ATXN10: variants seen among roughly 807,000 people sequenced by gnomAD.
ATXN10 encodes the protein ataxin 10, also known as ataxin-10.
Under a neutral mutation model 52.9 loss-of-function variants are expected in ATXN10, and 28 were observed. That is an observed-to-expected ratio of 0.53 (90% confidence interval 0.39 to 0.73). The LOEUF (loss-of-function observed/expected upper bound fraction) is 0.73, where lower values mean the gene tolerates loss of function less well. ATXN10 is among the 30% of genes least tolerant of loss of function. The pLI is 0.00. For missense variants in ATXN10, 565 were observed against 577.0 expected, an observed-to-expected ratio of 0.98 and a Z score of 0.21; for synonymous variants, 226 against 221.5, an observed-to-expected ratio of 1.02 and a Z score of -0.18.
chr22:45,773,378 G>A (rs1926840433), intron 9 of ATXN10, among the ~76,000 whole-genome samples: 1 of 151,860 alleles, frequency 6.6e-6, no homozygotes, highest in Non-Finnish European at 1.5e-5. Flanking sequence ...ATGCTGTGAT[G>A]TCCCTGCCTG....
At position 45,757,511 on chromosome 22, in the gene ATXN10, C is replaced by T. The variant is rs1484223757; in HGVS notation, c.1173+16973C>T. The stretch of plus-strand genomic sequence containing the variant: ...GTTCCAAAGGGAGGTGTGGATGTTT[C>T]ATTCAGTACTTTGGAGGGAGAAAGA... On this transcript the variant is annotated intron_variant, in intron 9 of 11. Transcript: ENST00000252934. This position sits in a 1 kb window ranked among gnomAD's most constrained non-coding sequence, Gnocchi z 4.6. Among the ~76,000 whole-genome samples, 1 of 151,950 alleles carries T rather than the reference C, an allele frequency of 6.6e-6. No individual in the cohort carries two copies. The highest frequency in any genetic ancestry group is 2.4e-5 in the African/African-American group (1 of 41,382).
rs1387745057 is a variant in ATXN10 at position 45,805,618 on chromosome 22, A to T, written c.1174-1341A>T. Among the ~76,000 whole-genome samples the T allele has an allele frequency of 2.0e-5, 3 of 152,052 alleles. No homozygotes were observed. The highest frequency in any genetic ancestry group is 7.2e-5 in the African/African-American group (3 of 41,394). Reference sequence around the variant, plus strand: ...GGCTACATGTCGTTCAGATTTTCTGACTCCGTTATAGGAAATGTCCAGAAT... The same window carrying T: ...GGCTACATGTCGTTCAGATTTTCTGTCTCCGTTATAGGAAATGTCCAGAAT... On this transcript the variant is annotated intron_variant, in intron 9 of 11. Transcript: ENST00000252934. The surrounding 1 kb of genome is among the most constrained non-coding windows in gnomAD (Gnocchi z 4.4).
intron 1 of ATXN10, chr22:45,673,336 TAGGTGATCACTAG>T (rs1273419795): frequency 6.6e-6 from 1 of 152,290 alleles, no homozygotes; most frequent in African/African-American, 2.4e-5. Flanking sequence ...TGGGTCAGCC[TAGGTGATCACTAG>T]AGGACTTCCT....
chr22:45,796,724 C>G (rs947727546), intron 9 of ATXN10, among the ~76,000 whole-genome samples: 2 of 152,226 alleles, frequency 1.3e-5, no homozygotes, highest in Admixed American at 6.5e-5. Flanking sequence ...TCTCGAACTC[C>G]TGACCTCAAA....
chr22:45,796,265 A>G (rs1183174337), intron 9 of ATXN10, among the ~76,000 whole-genome samples: 1 of 152,200 alleles, frequency 6.6e-6, no homozygotes, highest in Non-Finnish European at 1.5e-5. Context: ...CAGCCTGGCG[A>G]ATTCTAGTCA....
At position 45,762,535 on chromosome 22, in the gene ATXN10, A is replaced by C. The variant is rs1601630777; in HGVS notation, c.1173+21997A>C. Among the ~76,000 whole-genome samples the C allele has an allele frequency of 6.6e-6, 1 of 152,226 alleles. No individual in the cohort carries two copies. Among genetic ancestry groups the C allele is most frequent in the South Asian group, 2.1e-4 (1 of 4,818 alleles). On this transcript the variant is annotated intron_variant, in intron 9 of 11. Coordinates refer to ENST00000252934, the MANE Select transcript of ATXN10 (RefSeq NM_013236.4). This position sits in a 1 kb window ranked among gnomAD's most constrained non-coding sequence, Gnocchi z 4.3. ...GTGTCTTCCTGGGAGGCTCCCAGGC[A>C]TGCTCCTGTCTGGCCAGGGTGCTTC...
chr22:45,737,514 G>A (rs1244913650), intron 7 of ATXN10, among the ~76,000 whole-genome samples: 1 of 152,052 alleles, frequency 6.6e-6, no homozygotes, highest in Admixed American at 6.6e-5. Flanking sequence ...AGAAGGCTAT[G>A]ATATAAAATT....
intron 9 of ATXN10, among the ~76,000 whole-genome samples, chr22:45,760,890 G>A (rs1180051074): frequency 6.6e-6 from 1 of 152,134 alleles, no homozygotes; most frequent in Non-Finnish European, 1.5e-5. Context: ...GTGCGGAGTG[G>A]ATTCCTGAGC....
At chr22:45,742,124 C>G (rs139933832) in intron 9 of ATXN10, among the ~76,000 whole-genome samples, 2 of 151,878 alleles carry the variant, frequency 1.3e-5, no homozygotes, top group African/African-American at 4.8e-5. Flanking sequence ...GATTTGAGCT[C>G]CCACCCTAGA....
At chr22:45,711,244 C>T (rs1452368068) in intron 5 of ATXN10, among the ~76,000 whole-genome samples, 1 of 150,638 alleles carries the variant, frequency 6.6e-6, no homozygotes, top group Non-Finnish European at 1.5e-5. Context: ...GTAATTATAG[C>T]AGAGTGAAAA....
chr22:45,842,708 T>G lies in ATXN10; in HGVS notation c.1238-283T>G, dbSNP rs980658025. Reference sequence around the variant, plus strand: ...AGTTTGAGCTACTCTAAGTCTTTGCTTCCTTGTTCATTCATTCAACAAATA... The same window carrying G: ...AGTTTGAGCTACTCTAAGTCTTTGCGTCCTTGTTCATTCATTCAACAAATA... On this transcript the variant is annotated intron_variant, in intron 10 of 11. Transcript: ENST00000252934. This position sits in a 1 kb window ranked among gnomAD's most constrained non-coding sequence, Gnocchi z 4.8. Among the ~76,000 whole-genome samples, 22 of 152,198 alleles carry G rather than the reference T, an allele frequency of 1.4e-4. No individual in the cohort carries two copies. Among genetic ancestry groups the G allele is most frequent in the Non-Finnish European group, 2.9e-4 (20 of 68,028 alleles).
chr22:45,834,783 G>A (rs774431216), intron 10 of ATXN10, among the ~76,000 whole-genome samples: 4 of 152,184 alleles, frequency 2.6e-5, no homozygotes, highest in South Asian at 2.1e-4. Context: ...CTCGTGCACC[G>A]TGGCCTGAAT....
At position 45,690,540 on chromosome 22, in the gene ATXN10, GTT is replaced by G; in HGVS notation, c.308+639_308+640del. Among the ~76,000 whole-genome samples the G allele has an allele frequency of 1.3e-5, 2 of 152,262 alleles. No homozygotes were observed. The highest frequency in any genetic ancestry group is 1.3e-4 in the Admixed American group (2 of 15,286). On this transcript the variant is annotated intron_variant, in intron 2 of 11. Transcript: ENST00000252934. This position sits in a 1 kb window ranked among gnomAD's most constrained non-coding sequence, Gnocchi z 4.5. The stretch of plus-strand genomic sequence containing the variant: ...TTGTTCCTAGATTTTACCTGCCTAA[GTT>G]TATATGCAGTTCTTGACCTCAGGTT...
rs897048671 is a variant in ATXN10 at position 45,762,330 on chromosome 22, G to C, written c.1173+21792G>C. On this transcript the variant is annotated intron_variant, in intron 9 of 11. Coordinates refer to ENST00000252934, the MANE Select transcript of ATXN10 (RefSeq NM_013236.4). The surrounding 1 kb of genome is among the most constrained non-coding windows in gnomAD (Gnocchi z 4.3). The stretch of plus-strand genomic sequence containing the variant: ...TTGACAGAGGGCCTGACCCAGGGTA[G>C]GCACTCCCGCTTCATGACTACATCT... 5.9e-5 allele frequency among the ~76,000 whole-genome samples: 9 copies of C among 152,162 alleles called. No homozygotes were observed. The highest frequency in any genetic ancestry group is 2.2e-4 in the African/African-American group (9 of 41,442).
In ATXN10 at chr22:45,712,209, C is replaced by T. The variant is rs887638707; in HGVS notation, c.648-6204C>T. 4.6e-5 allele frequency among the ~76,000 whole-genome samples: 7 copies of T among 152,000 alleles called. No individual in the cohort carries two copies. Among genetic ancestry groups the T allele is most frequent in the East Asian group, 1.9e-4 (1 of 5,184 alleles). The stretch of plus-strand genomic sequence containing the variant: ...GCACAGGCTGTCAGGTTTGGGCCCA[C>T]TCTTGAAGGAAAAAGCTACCAGGTT... On this transcript the variant is annotated intron_variant, in intron 5 of 11. Transcript: ENST00000252934. This position sits in a 1 kb window ranked among gnomAD's most constrained non-coding sequence, Gnocchi z 4.6.
chr22:45,785,095 G>GA (rs1308832772), intron 9 of ATXN10, among the ~76,000 whole-genome samples: 2 of 152,200 alleles, frequency 1.3e-5, no homozygotes, highest in East Asian at 3.8e-4. Context: ...CAGATGTGCC[G>GA]AAACAGCTTT....
chr22:45,826,725 A>G lies in ATXN10; in HGVS notation c.1238-16266A>G, dbSNP rs1466284435. Among the ~76,000 whole-genome samples the G allele has an allele frequency of 6.6e-6, 1 of 152,246 alleles. No individual in the cohort carries two copies. Among genetic ancestry groups the G allele is most frequent in the African/African-American group, 2.4e-5 (1 of 41,466 alleles). ...ACATGAGGGATAAATTAAGGCATTC[A>G]CAGACGAACAAAAGCTGATGGAGTT... is the stretch of plus-strand genomic sequence containing the variant. On this transcript the variant is annotated intron_variant, in intron 10 of 11. Coordinates refer to ENST00000252934, the MANE Select transcript of ATXN10 (RefSeq NM_013236.4). The surrounding 1 kb of genome is among the most constrained non-coding windows in gnomAD (Gnocchi z 5.0).
Position 45,789,590 on chromosome 22 carries a change from G to A in ATXN10, c.1174-17369G>A, listed in dbSNP as rs1016230161. 2.0e-5 allele frequency among the ~76,000 whole-genome samples: 3 copies of A among 152,202 alleles called. No homozygotes were observed. The highest frequency in any genetic ancestry group is 7.2e-5 in the African/African-American group (3 of 41,450). ...AGGCGCCAGTGAAGGGCCTGGAAAA[G>A]TTAGGGGTTAGTATGTTAATACAGC... On this transcript the variant is annotated intron_variant, in intron 9 of 11. Coordinates refer to ENST00000252934, the MANE Select transcript of ATXN10 (RefSeq NM_013236.4). This position sits in a 1 kb window ranked among gnomAD's most constrained non-coding sequence, Gnocchi z 4.0.
Position 45,712,648 on chromosome 22 carries a change from C to A in ATXN10, c.648-5765C>A, listed in dbSNP as rs1181091397. On this transcript the variant is annotated intron_variant, in intron 5 of 11. Coordinates refer to ENST00000252934, the MANE Select transcript of ATXN10 (RefSeq NM_013236.4). This position sits in a 1 kb window ranked among gnomAD's most constrained non-coding sequence, Gnocchi z 4.6. ...GATGTGCGTGTGTGTAATACGTTTC[C>A]CCCAGTGCCTGGCACATGTAGATTC... Among the ~76,000 whole-genome samples the A allele has an allele frequency of 6.6e-6, 1 of 152,108 alleles. No individual in the cohort carries two copies. Among genetic ancestry groups the A allele is most frequent in the African/African-American group, 2.4e-5 (1 of 41,412 alleles).
Sources: gnomAD v4.1 joint callset for allele counts (sites outside exome capture counted in the v4.1 genomes callset) on GRCh38, gnomAD v4.1.1 for gene constraint, Gnocchi (gnomAD v3.1) non-coding constraint, MANE v1.5 for transcripts, NCBI Gene and HGNC (gene_info 2026-07-23, HGNC 2026-07-21) for gene names.